Variants in LONP1 observed in about 807,000 individuals in gnomAD.
The protein encoded by LONP1 is lon peptidase 1, mitochondrial, also known as lon protease homolog, mitochondrial.
LONP1 carries 31 observed loss-of-function variants against 98.5 expected under a neutral mutation model. That is an observed-to-expected ratio of 0.31 (90% CI 0.24 to 0.42). LONP1 has a LOEUF of 0.42. Among genes scored for constraint, LONP1 ranks in the 20% least tolerant of loss-of-function variants. The probability of loss-of-function intolerance (pLI) is 1.00; values close to 1 mark genes in which losing one functional copy is unlikely to be tolerated. For synonymous variants in LONP1, 781 were observed against 594.7 expected (o/e 1.31, Z -4.56); for missense variants, 1,336 against 1,350.6 (o/e 0.99, Z 0.17).
chr19:5,693,461 C>A lies in LONP1; in HGVS notation c.2540G>T (p.Gly847Val). The A allele has an allele frequency of 6.2e-7, 1 of 1,611,068 alleles. No individual in the cohort carries two copies. Among genetic ancestry groups the A allele is most frequent in the Non-Finnish European group, 8.5e-7 (1 of 1,178,090 alleles). ...GCTTGGGCCGTCCTTGGGGGTGGCGCCCTGTGGAGGCATGTGGGGATAGTG... is the reference window on the plus strand; with the variant it reads ...GCTTGGGCCGTCCTTGGGGGTGGCGACCTGTGGAGGCATGTGGGGATAGTG... The part of the protein sequence containing the change: ...TSHIHLHVPE[G>V]ATPKDGPSAG... The change falls in exon 17 of 18, where the codon GGC (glycine) becomes GTC (valine). Residue 847 changes from glycine (G) to valine (V), a missense_variant and splice_region_variant. This residue lies in a region of LONP1 where 555 missense variants were observed against 542.6 expected (regional missense o/e 1.02). Transcript: ENST00000360614.
In LONP1 at chr19:5,692,202, G is replaced by C; in HGVS notation, c.2710C>G (p.Arg904Gly). Reference sequence around the variant, plus strand: ...AGGACGATGCACGTCACCCCTGCGCGCTTGGCCTGGGGGCAGAGTCAGGGT... The same window carrying C: ...AGGACGATGCACGTCACCCCTGCGCCCTTGGCCTGGGGGCAGAGTCAGGGT... ...GIKEKTIAAK[R>G]AGVTCIVLPA... is the part of the protein sequence containing the mutation. The change falls in exon 18 of 18, where the codon CGC (arginine) becomes GGC (glycine). Residue 904 changes from arginine to glycine, a missense_variant. Physicochemically the swap from Arg to Gly is moderately radical, Grantham distance 125. This residue lies in a region of LONP1 where 555 missense variants were observed against 542.6 expected (regional missense o/e 1.02). Coordinates refer to ENST00000360614, the MANE Select transcript of LONP1 (RefSeq NM_004793.4). 1.2e-6 allele frequency: 2 copies of C among 1,610,968 alleles called. No individual in the cohort carries two copies. The highest frequency in any genetic ancestry group is 1.7e-6 in the Non-Finnish European group (2 of 1,178,028).
intron 7 of LONP1, 152 bp from the exon 8 acceptor site, chr19:5,706,144 CTTT>C (rs1033878389): frequency 1.6e-5 from 10 of 617,860 alleles, no homozygotes; most frequent in East Asian, 5.5e-5. Context: ...CTTCCATCTT[CTTT>C]TGTTTTTGAG....
chr19:5,709,944 C>A lies in LONP1; in HGVS notation c.871-1541G>T, dbSNP rs1012989795. Among the ~76,000 whole-genome samples, 4 of 145,772 alleles carry A rather than the reference C, an allele frequency of 2.7e-5. No homozygotes were observed. The East Asian group carries it at 6.1e-4, about 22-fold the overall frequency. On this transcript the variant is annotated intron_variant, in intron 4 of 17. Coordinates refer to ENST00000360614, the MANE Select transcript of LONP1 (RefSeq NM_004793.4). ...AAAAAAAAAAAAAAAAGAACAAGTTCGCTGCCCCTAAGGGGTCTTGCCAGT... is the reference window on the plus strand; with the variant it reads ...AAAAAAAAAAAAAAAAGAACAAGTTAGCTGCCCCTAAGGGGTCTTGCCAGT...
chr19:5,707,867 C>A, intron 5 of LONP1, 41 bp from the exon 6 acceptor site: 2 of 1,607,450 alleles, frequency 1.2e-6, no homozygotes, highest in Non-Finnish European at 1.7e-6. Context: ...CAGGGCCTCA[C>A]GCTCTGCTGC....
At chr19:5,709,411 G>A (rs1246327407) in intron 4 of LONP1, among the ~76,000 whole-genome samples, 4 of 152,012 alleles carry the variant, frequency 2.6e-5, no homozygotes, top group African/African-American at 7.3e-5. Flanking sequence ...CGAGGCAGGA[G>A]AATCACTTGA....
intron 10 of LONP1, 24 bp downstream of exon 10, chr19:5,699,003 G>T (rs756479948): frequency 1.9e-6 from 3 of 1,587,102 alleles, no homozygotes; most frequent in Non-Finnish European, 2.6e-6. Context: ...GAGTGCGTGG[G>T]GAGAGCTGTC....
intron 1 of LONP1, among the ~76,000 whole-genome samples, chr19:5,715,371 C>T (rs1378765251): frequency 2.0e-5 from 3 of 148,252 alleles, no homozygotes; most frequent in Admixed American, 6.8e-5. Flanking sequence ...AGGCTGGGCG[C>T]GGTGGCTCAC....
At chr19:5,706,347 G>A (rs1168830243) in intron 7 of LONP1, among the ~76,000 whole-genome samples, 4 of 152,124 alleles carry the variant, frequency 2.6e-5, no homozygotes, top group Non-Finnish European at 5.9e-5. Context: ...GGTGGCTCAC[G>A]CCTGTAATCC....
At chr19:5,707,435 T>G (rs781701037) in intron 6 of LONP1, among the ~76,000 whole-genome samples, 4 of 152,140 alleles carry the variant, frequency 2.6e-5, no homozygotes, top group Non-Finnish European at 5.9e-5. Flanking sequence ...AGGATCCCAC[T>G]GAACCCGCAA....
chr19:5,699,888 C>T (rs2055010323), intron 9 of LONP1, among the ~76,000 whole-genome samples: 1 of 151,966 alleles, frequency 6.6e-6, no homozygotes, highest in South Asian at 2.1e-4. Flanking sequence ...CTTTGACTCC[C>T]ACCTGCCTGC....
chr19:5,697,447 A>G (rs2054955021), intron 10 of LONP1, among the ~76,000 whole-genome samples: 1 of 149,714 alleles, frequency 6.7e-6, no homozygotes, highest in South Asian at 2.1e-4. Context: ...CTGAAACAGG[A>G]CCACGCCTGG....
rs768681910 is a variant in LONP1 at position 5,696,175 on chromosome 19, G to A, written c.1897-5C>T. Reference sequence around the variant, plus strand: ...GGCCGTGCAGATGAACAGCACCTGGGGGCGGCGGCAAGGTGCTGGGGGACT... The same window carrying A: ...GGCCGTGCAGATGAACAGCACCTGGAGGCGGCGGCAAGGTGCTGGGGGACT... On this transcript the variant is annotated splice_polypyrimidine_tract_variant and splice_region_variant and intron_variant, in intron 12 of 17. Coordinates refer to ENST00000360614, the MANE Select transcript of LONP1 (RefSeq NM_004793.4). 10 of 1,612,868 alleles carry A rather than the reference G, an allele frequency of 6.2e-6. No homozygotes were observed. Among genetic ancestry groups the A allele is most frequent in the South Asian group, 2.2e-5 (2 of 91,082 alleles).
chr19:5,703,832 A>C (rs745791911), intron 8 of LONP1, among the ~76,000 whole-genome samples: 1 of 151,972 alleles, frequency 6.6e-6, no homozygotes, highest in African/African-American at 2.4e-5. Context: ...GGACCTGAGG[A>C]CAGAACCCGC....
chr19:5,719,561 C>A, intron 1 of LONP1, 143 bp downstream of exon 1: 2 of 1,476,092 alleles, frequency 1.4e-6, no homozygotes, highest in South Asian at 1.3e-5. Context: ...TAGTGGTGAG[C>A]AGACAAGGAT....
At chr19:5,698,955 T>G in intron 10 of LONP1, 72 bp downstream of exon 10, 1 of 1,461,096 alleles carries the variant, frequency 6.8e-7, no homozygotes, top group Non-Finnish European at 9.2e-7. Flanking sequence ...TGTTAAAGGG[T>G]GACCGGAGAA....
In LONP1 at chr19:5,705,832, T is replaced by G. The variant is rs763847830; in HGVS notation, c.1307A>C (p.Asp436Ala). ...KELVVPKHVMDVVDEELSKLG... is the reference protein window; with the variant it reads ...KELVVPKHVMAVVDEELSKLG... ...CTTGCTCAGCTCCTCGTCCACAACA[T>G]CCATGACGTGCTTGGGGACCACGAG... Residue 436 changes from aspartate (D) to alanine (A), a missense_variant, in exon 8 of 18, where the codon GAT becomes GCT. This residue lies in a region of LONP1 where 219 missense variants were observed against 241.0 expected (regional missense o/e 0.91). Coordinates refer to ENST00000360614, the MANE Select transcript of LONP1 (RefSeq NM_004793.4). The G allele has an allele frequency of 1.2e-5, 19 of 1,614,122 alleles. No individual in the cohort carries two copies. Among genetic ancestry groups the G allele is most frequent in the Non-Finnish European group, 1.6e-5 (19 of 1,180,034 alleles).
chr19:5,712,828 C>T (rs1463934117), intron 3 of LONP1, among the ~76,000 whole-genome samples: 1 of 151,844 alleles, frequency 6.6e-6, no homozygotes, highest in Non-Finnish European at 1.5e-5. Flanking sequence ...GATGGGATCT[C>T]GCTACGTTGC....
rs758800396 is a variant in LONP1, at chr19:5,696,239, G to A, written c.1896+10C>T. 7.4e-6 allele frequency: 12 copies of A among 1,612,996 alleles called. No individual in the cohort carries two copies. Among genetic ancestry groups the A allele is most frequent in the Non-Finnish European group, 2.5e-6 (3 of 1,179,812 alleles). ...CCCCAGCAAGCCCAGGCCCCAGACA[G>A]GCCCCCCACCTTGGACAAGTCCACG... On this transcript the variant is annotated intron_variant, in intron 12 of 17. Transcript: ENST00000360614.
In LONP1 at chr19:5,697,751, T is replaced by G. The variant is rs1279211880; in HGVS notation, c.1686-994A>C. On this transcript the variant is annotated intron_variant, in intron 10 of 17. Coordinates refer to ENST00000360614, the MANE Select transcript of LONP1 (RefSeq NM_004793.4). ...ATCCATCGCCCCGCAGCCAGTCTCC[T>G]GTCCTTGTCCTTGTCTCAGGAACCC... 2.9e-5 allele frequency among the ~76,000 whole-genome samples: 4 copies of G among 135,810 alleles called. No individual in the cohort carries two copies. In the East Asian group the frequency reaches 1.2e-3, roughly 41 times the overall value. 89.1% of individuals were successfully genotyped at this position (135,810 alleles called of 152,430 possible). A position where few individuals can be genotyped will look rare whatever the true frequency, so the allele number is the denominator to read the frequency against.
Sources: gnomAD v4.1 joint callset for allele counts (sites outside exome capture counted in the v4.1 genomes callset) on GRCh38, gnomAD v4.1.1 for gene constraint, gnomAD v4.1.1 regional missense constraint, MANE v1.5 for transcripts, NCBI Gene and HGNC (gene_info 2026-07-23, HGNC 2026-07-21) for gene names.